Variants in NRXN1 observed in about 807,000 individuals in gnomAD.
The protein encoded by NRXN1 is neurexin 1.
In NRXN1, 39 loss-of-function variants were observed where a neutral mutation model predicts 150.9. The observed-to-expected ratio is 0.26, with a 90% CI of 0.20 to 0.34. The LOEUF is 0.34. Among genes scored for constraint, NRXN1 ranks in the 10% least tolerant of loss-of-function variants. The pLI is 1.00. For missense variants in NRXN1, 1,815 were observed against 1,949.9 expected, an observed-to-expected ratio of 0.93 and a Z score of 1.30; for synonymous variants, 924 against 757.0, an observed-to-expected ratio of 1.22 and a Z score of -3.62.
At chr2:50,050,193 CT>C (rs1553527615) in intron 21 of NRXN1, among the ~76,000 whole-genome samples, 1 of 139,202 alleles carries the variant, frequency 7.2e-6, no homozygotes, top group African/African-American at 2.7e-5. Context: ...AGGATATTTA[CT>C]TTAAGTAGGA....
chr2:50,274,738 A>G (rs965567337), intron 17 of NRXN1, among the ~76,000 whole-genome samples: 3 of 152,154 alleles, frequency 2.0e-5, no homozygotes, highest in Non-Finnish European at 4.4e-5. Context: ...AAAGTCCACA[A>G]TGTAAATGTT....
At chr2:50,026,858 T>C (rs1688377594) in intron 21 of NRXN1, among the ~76,000 whole-genome samples, 1 of 133,680 alleles carries the variant, frequency 7.5e-6, no homozygotes, top group Non-Finnish European at 1.6e-5. Context: ...TCTTTTCTTT[T>C]CTTTTTTTTT....
In NRXN1 at chr2:50,848,149, T is replaced by C. The variant is rs535100123; in HGVS notation, c.832+73720A>G. ...GAATATTCACCCCTAGACACTGCCA[T>C]GGGGTCAGAGCCCCACAGCCTGCCA... On this transcript the variant is annotated intron_variant, in intron 5 of 22. Transcript: ENST00000401669. Among the ~76,000 whole-genome samples, 8 of 152,184 alleles carry C rather than the reference T, an allele frequency of 5.3e-5. No individual in the cohort carries two copies. In the East Asian group the frequency reaches 1.6e-3, roughly 30 times the overall value.
intron 5 of NRXN1, among the ~76,000 whole-genome samples, chr2:50,658,235 A>C (rs1374339516): frequency 6.6e-6 from 1 of 151,856 alleles, no homozygotes; most frequent in East Asian, 1.9e-4. Flanking sequence ...TGTCCATCTG[A>C]TACACCCTCA....
intron 18 of NRXN1, among the ~76,000 whole-genome samples, chr2:50,208,883 A>T (rs1347859447): frequency 1.4e-4 from 21 of 152,118 alleles, no homozygotes; most frequent in Admixed American, 1.3e-3. Context: ...TGTCTCTTTG[A>T]ATAAGCTTTA....
chr2:49,965,358 C>A (rs147285181), intron 21 of NRXN1, among the ~76,000 whole-genome samples: 1 of 152,078 alleles, frequency 6.6e-6, no homozygotes, highest in East Asian at 1.9e-4. Context: ...CCTCCGCCTC[C>A]CAAGTTCAAA....
intron 18 of NRXN1, among the ~76,000 whole-genome samples, chr2:50,149,909 A>C (rs2152770642): frequency 6.6e-6 from 1 of 151,768 alleles, no homozygotes; most frequent in South Asian, 2.1e-4. Context: ...ATGCCATTTA[A>C]CTCACTGCCT....
At chr2:50,130,430 C>T (rs576275542) in intron 18 of NRXN1, among the ~76,000 whole-genome samples, 2 of 152,272 alleles carry the variant, frequency 1.3e-5, no homozygotes, top group Admixed American at 6.5e-5. Flanking sequence ...TCCATGGCTG[C>T]TTCCCAGAGC....
At chr2:50,104,689 C>T (rs1701408797) in intron 18 of NRXN1, among the ~76,000 whole-genome samples, 1 of 151,924 alleles carries the variant, frequency 6.6e-6, no homozygotes, top group South Asian at 2.1e-4. Flanking sequence ...GCCTCAAAAG[C>T]TTGTCCTAAA....
intron 22 of NRXN1, among the ~76,000 whole-genome samples, chr2:49,934,758 A>T (rs1260299077): frequency 6.6e-6 from 1 of 151,918 alleles, no homozygotes; most frequent in Non-Finnish European, 1.5e-5. Context: ...AAAGTTAATC[A>T]TTTCTTCTCT....
intron 17 of NRXN1, among the ~76,000 whole-genome samples, chr2:50,345,673 C>A (rs542188854): frequency 6.6e-6 from 1 of 152,262 alleles, no homozygotes; most frequent in South Asian, 2.1e-4. Flanking sequence ...AGGAATCTGG[C>A]CTCACAGTGC....
At chr2:50,393,382 T>C (rs571952701) in intron 17 of NRXN1, among the ~76,000 whole-genome samples, 2 of 152,104 alleles carry the variant, frequency 1.3e-5, no homozygotes, top group East Asian at 3.9e-4. Context: ...GAAATTTGAG[T>C]CTTGTGACCC....
intron 17 of NRXN1, among the ~76,000 whole-genome samples, chr2:50,270,673 GT>G (rs34114256): frequency 0.42 from 59,888 of 143,568 alleles, 11,888 homozygotes; most frequent in African/African-American, 0.45. Context: ...TATAGATATA[GT>G]TTTTTTTTTT....
chr2:50,790,117 TCTC>T (rs1705718756), intron 5 of NRXN1, among the ~76,000 whole-genome samples: 1 of 150,222 alleles, frequency 6.7e-6, no homozygotes, highest in South Asian at 2.1e-4. Context: ...TGCTTTTAAC[TCTC>T]CTTATTCCCT....
rs778031536 is a variant in NRXN1, at chr2:50,531,377, C to A, written c.2197G>T (p.Val733Leu). The change falls in exon 11 of 23, where the codon GTA becomes TTA. Residue 733 changes from valine (V) to leucine (L), a missense_variant. By Grantham distance (32) the Val-to-Leu change is conservative. Coordinates refer to ENST00000401669, the MANE Select transcript of NRXN1 (RefSeq NM_001330078.2). Reference protein sequence around the residue: ...GSMFMKIQLPVVMHTEAEDVS... With the variant: ...GSMFMKIQLPLVMHTEAEDVS... ...TCCTCAGCCTCCGTATGCATGACTA[C>A]GGGGAGCTGAATTTTCATAAACATG... The A allele has an allele frequency of 2.5e-6, 4 of 1,612,798 alleles. No individual in the cohort carries two copies. In the South Asian group the frequency reaches 4.4e-5, roughly 18 times the overall value.
At chr2:50,608,550 T>TTGCC (rs1677516723) in intron 8 of NRXN1, among the ~76,000 whole-genome samples, 1 of 54,492 alleles carries the variant, frequency 1.8e-5, no homozygotes, top group Non-Finnish European at 4.7e-5. Flanking sequence ...TGTTTAAAAA[T>TTGCC]TGTTCCTATA....
intron 5 of NRXN1, among the ~76,000 whole-genome samples, chr2:50,708,282 T>C (rs537422081): frequency 2.6e-5 from 4 of 152,208 alleles, no homozygotes; most frequent in Non-Finnish European, 5.9e-5. Context: ...CATGAACTAT[T>C]TTCAATACTT....
intron 18 of NRXN1, among the ~76,000 whole-genome samples, chr2:50,181,239 G>A (rs1248423616): frequency 7.1e-6 from 1 of 141,364 alleles, no homozygotes; most frequent in African/African-American, 2.7e-5. Flanking sequence ...TTAATGGTGA[G>A]TTTAAAAAAA....
At chr2:50,062,462 C>A (rs778969668) in intron 19 of NRXN1, among the ~76,000 whole-genome samples, 3 of 152,216 alleles carry the variant, frequency 2.0e-5, no homozygotes, top group South Asian at 2.1e-4. Flanking sequence ...TGTTTTTAAG[C>A]CACTCAGTTA....
Sources: allele counts gnomAD v4.1 joint callset (sites outside exome capture counted in the v4.1 genomes callset), GRCh38; gene constraint gnomAD v4.1.1; transcripts MANE v1.5; gene names NCBI Gene and HGNC (gene_info 2026-07-23, HGNC 2026-07-21).